CAST: variants seen among roughly 807,000 people sequenced by gnomAD.
CAST encodes the protein calpastatin.
In CAST, 76 loss-of-function variants were observed where a neutral mutation model predicts 119.6. The observed-to-expected ratio is 0.64, with a 90% CI of 0.53 to 0.77. The LOEUF (loss-of-function observed/expected upper bound fraction) is 0.77. CAST is among the 30% of genes least tolerant of loss of function. The pLI is 0.00. For synonymous variants in CAST, 319 were observed against 331.6 expected (o/e 0.96, Z 0.41); for missense variants, 953 against 946.5 (o/e 1.01, Z -0.09).
rs27851 is a variant in CAST at position 96,746,697 on chromosome 5, C to T, written c.1284+272C>T. Among the ~76,000 whole-genome samples, 139,897 of 152,290 alleles carry T rather than the reference C, an allele frequency of 0.92. 64,393 individuals carry two copies. Among genetic ancestry groups the T allele is most frequent in the East Asian group, 1 (5,184 of 5,192 alleles). On this transcript the variant is annotated intron_variant, in intron 17 of 31. Transcript: ENST00000675179. Reference sequence around the variant, plus strand: ...TATTAACAGTTCTTACAATAGATCCCAAAACTCAGAAGGAACAATTTGGGG... The same window carrying T: ...TATTAACAGTTCTTACAATAGATCCTAAAACTCAGAAGGAACAATTTGGGG...
At chr5:96,172,778 G>A in the CAST span, among the ~76,000 whole-genome samples, 2 of 152,238 alleles carry the variant, frequency 1.3e-5, no homozygotes, top group South Asian at 2.1e-4. Flanking sequence ...GATCCTCTAG[G>A]AGAGCCAGAA....
At chr5:96,572,000 T>C (rs959920442) in intron 1 of CAST, among the ~76,000 whole-genome samples, 3 of 152,232 alleles carry the variant, frequency 2.0e-5, no homozygotes, top group African/African-American at 7.2e-5. Context: ...ACATATAATA[T>C]GCCAGCAATG....
the CAST span, among the ~76,000 whole-genome samples, chr5:96,071,474 C>G: frequency 1.3e-5 from 2 of 152,156 alleles, no homozygotes; most frequent in Non-Finnish European, 2.9e-5. Flanking sequence ...TATTCCTAGG[C>G]ATCCTTCCTA....
the CAST span, among the ~76,000 whole-genome samples, chr5:96,189,892 C>G: frequency 6.6e-6 from 1 of 152,150 alleles, no homozygotes; most frequent in African/African-American, 2.4e-5. Context: ...CCTATTCTTG[C>G]ATGTTTACTA....
Position 96,726,548 on chromosome 5 carries a change from A to G in CAST, c.271-246A>G, listed in dbSNP as rs538188489. On this transcript the variant is annotated intron_variant, in intron 4 of 31. Coordinates refer to ENST00000675179, the MANE Select transcript of CAST (RefSeq NM_001750.7). ...AGGGAAAGGAAAGGAATGAGAAATT[A>G]ATTTTATTAATGGAAACCTTCGCTG... Among the ~76,000 whole-genome samples the G allele has an allele frequency of 2.6e-5, 4 of 152,374 alleles. No homozygotes were observed. In the East Asian group the frequency reaches 7.7e-4, roughly 29 times the overall value.
the CAST span, among the ~76,000 whole-genome samples, chr5:96,383,135 C>T: frequency 6.6e-6 from 1 of 152,110 alleles, no homozygotes; most frequent in Non-Finnish European, 1.5e-5. Context: ...TATGTAGACA[C>T]ATATACGAGA....
intron 1 of CAST, among the ~76,000 whole-genome samples, chr5:96,594,350 G>C (rs1206481831): frequency 1.3e-5 from 2 of 152,162 alleles, no homozygotes; most frequent in African/African-American, 4.8e-5. Context: ...GTAGAGTGTT[G>C]GTAGAATGCA....
At chr5:96,448,903 C>G in the CAST span, among the ~76,000 whole-genome samples, 1 of 152,144 alleles carries the variant, frequency 6.6e-6, no homozygotes, top group Non-Finnish European at 1.5e-5. Flanking sequence ...AAAATAGTAT[C>G]TTTAAAAATA....
upstream of CAST, among the ~76,000 whole-genome samples, chr5:96,524,146 G>A (rs115843521): frequency 0.016 from 2,433 of 152,274 alleles, 70 homozygotes; most frequent in African/African-American, 0.056. Flanking sequence ...ACAGGACGAC[G>A]TACTGAGAAT....
chr5:96,693,168 T>C lies in CAST; in HGVS notation c.139-2668T>C, dbSNP rs576019160. 4.6e-4 allele frequency among the ~76,000 whole-genome samples: 70 copies of C among 152,340 alleles called. 1 individual carries two copies. Among genetic ancestry groups the C allele is most frequent in the Admixed American group, 3.4e-3 (52 of 15,306 alleles). On this transcript the variant is annotated intron_variant, in intron 2 of 31. Coordinates refer to ENST00000675179, the MANE Select transcript of CAST (RefSeq NM_001750.7). ...CCAGTCTCACTTCAGCTGAACTACA[T>C]TGGTCCTTTGTGGACTAAGTAATCC...
At chr5:96,300,502 C>T in the CAST span, among the ~76,000 whole-genome samples, 7 of 151,752 alleles carry the variant, frequency 4.6e-5, no homozygotes, top group Middle Eastern at 3.4e-3. Context: ...ATTACTGTTG[C>T]TTTGTAGTAC....
the CAST span, among the ~76,000 whole-genome samples, chr5:96,414,571 T>C: frequency 6.6e-6 from 1 of 152,104 alleles, no homozygotes; most frequent in East Asian, 1.9e-4. Context: ...AAAAATGCAT[T>C]TGGGGCCAGA....
intron 1 of CAST, among the ~76,000 whole-genome samples, chr5:96,535,564 A>ATTTT (rs767087154): frequency 2.3e-5 from 2 of 88,400 alleles, no homozygotes; most frequent in Non-Finnish European, 4.0e-5. Context: ...TAAATAAACA[A>ATTTT]TTTTTTTTTT....
chr5:96,433,136 G>C, the CAST span: 2 of 1,213,944 alleles, frequency 1.6e-6, no homozygotes, highest in Admixed American at 1.7e-5. Flanking sequence ...TCCCACCCTC[G>C]GGCTCTAGAC....
At chr5:96,446,101 G>A in the CAST span, among the ~76,000 whole-genome samples, 1 of 148,848 alleles carries the variant, frequency 6.7e-6, no homozygotes, top group South Asian at 2.1e-4. Context: ...ACTTCCAAAT[G>A]ATATAGTGAC....
At chr5:96,107,308 C>A in the CAST span, among the ~76,000 whole-genome samples, 4 of 151,986 alleles carry the variant, frequency 2.6e-5, no homozygotes, top group Non-Finnish European at 1.5e-5. Flanking sequence ...GATGCAGTTT[C>A]TTCCTAGTCT....
the CAST span, among the ~76,000 whole-genome samples, chr5:96,215,816 T>G: frequency 3.3e-5 from 5 of 152,294 alleles, no homozygotes; most frequent in South Asian, 1.0e-3. Flanking sequence ...CATTTATTTA[T>G]GTATTCGTTG....
chr5:96,093,581 A>C, the CAST span, among the ~76,000 whole-genome samples: 1 of 152,186 alleles, frequency 6.6e-6, no homozygotes, highest in African/African-American at 2.4e-5. Context: ...AAGAGGTCAG[A>C]CTTAGAGACC....
At chr5:96,687,212 C>G (rs190911919) in intron 2 of CAST, among the ~76,000 whole-genome samples, 1 of 152,190 alleles carries the variant, frequency 6.6e-6, no homozygotes, top group East Asian at 1.9e-4. Context: ...GGGACTTGAT[C>G]GGATAGCAAG....
Sources: allele counts gnomAD v4.1 joint callset (sites outside exome capture counted in the v4.1 genomes callset), GRCh38; gene constraint gnomAD v4.1.1; transcripts MANE v1.5; gene names NCBI Gene and HGNC (gene_info 2026-07-23, HGNC 2026-07-21).